NEK1: variants seen among roughly 807,000 people sequenced by gnomAD.
NEK1 encodes the protein NIMA related kinase 1, also known as serine/threonine-protein kinase Nek1.
A neutral mutation model predicts 182.1 loss-of-function variants in NEK1; 137 were observed. The ratio of observed to expected loss-of-function variants is 0.75; its 90% CI spans 0.65 to 0.87. The LOEUF is 0.87. Ranked by LOEUF, NEK1 falls within the 40% of genes least tolerant of loss-of-function variation. The pLI is 0.00. For synonymous variants in NEK1, 513 were observed against 492.2 expected (o/e 1.04, Z -0.56); for missense variants, 1,391 against 1,494.4 (o/e 0.93, Z 1.14).
At position 169,455,177 on chromosome 4, in the gene NEK1, G is replaced by A. The variant is rs143686292; in HGVS notation, c.2587+8066C>T. 7.1e-3 allele frequency among the ~76,000 whole-genome samples: 1,075 copies of A among 152,224 alleles called. 11 individuals carry two copies. Among genetic ancestry groups the A allele is most frequent in the African/African-American group, 0.025 (1,035 of 41,530 alleles). ...GAACATCACACACTGGGGCATGTTGGGGGGTTGGGGCCTGGCAGAGGGATA... is the reference window on the plus strand; with the variant it reads ...GAACATCACACACTGGGGCATGTTGAGGGGTTGGGGCCTGGCAGAGGGATA... On this transcript the variant is annotated intron_variant, in intron 27 of 35. Coordinates refer to ENST00000507142, the MANE Select transcript of NEK1 (RefSeq NM_001199397.3).
intron 27 of NEK1, among the ~76,000 whole-genome samples, chr4:169,452,792 T>C (rs528350346): frequency 1.3e-5 from 2 of 152,260 alleles, no homozygotes; most frequent in South Asian, 2.1e-4. Context: ...CTATTCAACA[T>C]AGTGTTGGAA....
chr4:169,595,134 A>C (rs1349498406), intron 5 of NEK1, among the ~76,000 whole-genome samples: 3 of 152,196 alleles, frequency 2.0e-5, no homozygotes, highest in African/African-American at 7.2e-5. Context: ...TAAATGATCA[A>C]GGAACTTATC....
At chr4:169,538,980 CTATGAA>C (rs1173633071) in intron 18 of NEK1, among the ~76,000 whole-genome samples, 1 of 152,126 alleles carries the variant, frequency 6.6e-6, no homozygotes, top group East Asian at 1.9e-4. Flanking sequence ...CATCACATAA[CTATGAA>C]TGACAGTGAT....
At chr4:169,464,109 CCTGA>C (rs1267592433) in intron 26 of NEK1, among the ~76,000 whole-genome samples, 1 of 152,126 alleles carries the variant, frequency 6.6e-6, no homozygotes, top group African/African-American at 2.4e-5. Context: ...CACCATCATT[CCTGA>C]CTGTGAGTTT....
At chr4:169,475,819 T>C (rs1334936021) in intron 26 of NEK1, among the ~76,000 whole-genome samples, 3 of 152,060 alleles carry the variant, frequency 2.0e-5, no homozygotes, top group African/African-American at 7.2e-5. Context: ...AAAAGTACAT[T>C]GAATAGAATT....
chr4:169,518,508 A>G (rs1457371802), intron 19 of NEK1, among the ~76,000 whole-genome samples: 1 of 101,662 alleles, frequency 9.8e-6, no homozygotes, highest in African/African-American at 5.1e-5. Flanking sequence ...TATTTCCTTC[A>G]GTTCTGCTCT....
chr4:169,434,383 T>C (rs986156116), intron 28 of NEK1, among the ~76,000 whole-genome samples: 6 of 151,836 alleles, frequency 4.0e-5, no homozygotes, highest in African/African-American at 1.5e-4. Context: ...AGGCTAATTT[T>C]TGTATTTTTA....
At chr4:169,498,130 T>C (rs1211839915) in intron 23 of NEK1, among the ~76,000 whole-genome samples, 1 of 152,264 alleles carries the variant, frequency 6.6e-6, no homozygotes, top group East Asian at 1.9e-4. Context: ...TTAGCTCTTC[T>C]TGTTGAATTG....
chr4:169,561,444 A>G (rs773517178), intron 16 of NEK1, 36 bp downstream of exon 16: 1 of 1,568,702 alleles, frequency 6.4e-7, no homozygotes, highest in East Asian at 2.2e-5. Context: ...TGGAGGGGAA[A>G]ATGGTAGTAT....
intron 27 of NEK1, among the ~76,000 whole-genome samples, chr4:169,453,078 TA>T (rs1213404450): frequency 1.3e-5 from 2 of 151,962 alleles, no homozygotes; most frequent in African/African-American, 4.8e-5. Flanking sequence ...ACAAAGAGAA[TA>T]AAATACCTAG....
chr4:169,414,149 A>G (rs1458566774), intron 31 of NEK1, among the ~76,000 whole-genome samples: 2 of 152,246 alleles, frequency 1.3e-5, no homozygotes, highest in African/African-American at 4.8e-5. Context: ...TACTTTTATT[A>G]GATGGTAGTT....
At chr4:169,471,460 G>A (rs576232919) in intron 26 of NEK1, among the ~76,000 whole-genome samples, 1 of 152,292 alleles carries the variant, frequency 6.6e-6, no homozygotes, top group South Asian at 2.1e-4. Flanking sequence ...GGAGGCTGCA[G>A]AACAGCAAAT....
At chr4:169,448,936 G>A (rs1220759639) in intron 27 of NEK1, among the ~76,000 whole-genome samples, 3 of 152,194 alleles carry the variant, frequency 2.0e-5, no homozygotes, top group East Asian at 3.8e-4. Context: ...CTGGAAACAC[G>A]GGACACTCCC....
At chr4:169,568,147 C>T (rs879413021) in intron 12 of NEK1, among the ~76,000 whole-genome samples, 1 of 152,158 alleles carries the variant, frequency 6.6e-6, no homozygotes, top group African/African-American at 2.4e-5. Flanking sequence ...AGAGATAAGG[C>T]AACTCGCTTC....
At position 169,477,135 on chromosome 4, in the gene NEK1, G is replaced by A; in HGVS notation, c.2423C>T (p.Ser808Phe). The part of the protein sequence containing the change: ...LDELTLDTSF[S>F]TTERHTVGEV... ...ACTACTATACATACTTTCAGTTGTA[G>A]AGAAGGATGTATCTAGTGTTAACTC... is the stretch of plus-strand genomic sequence containing the variant. The change falls in exon 26 of 36, where the codon TCT becomes TTT. Residue 808 changes from serine to phenylalanine, a missense_variant. Ser to Phe is a radical substitution (Grantham distance 155). This residue lies in a region of NEK1 where 1,216 missense variants were observed against 1,277.6 expected (regional missense o/e 0.95). Transcript: ENST00000507142. 1 of 1,593,364 alleles carries A rather than the reference G, an allele frequency of 6.3e-7. No individual in the cohort carries two copies. Among genetic ancestry groups the A allele is most frequent in the East Asian group, 2.3e-5 (1 of 44,400 alleles).
chr4:169,583,266 C>CAAAA (rs113591219), intron 10 of NEK1, among the ~76,000 whole-genome samples: 2 of 124,522 alleles, frequency 1.6e-5, no homozygotes, highest in African/African-American at 3.2e-5. Flanking sequence ...GACTCCATCT[C>CAAAA]AAAAAAAAAA....
At chr4:169,403,195 G>A (rs564000385) in intron 32 of NEK1, among the ~76,000 whole-genome samples, 1 of 152,244 alleles carries the variant, frequency 6.6e-6, no homozygotes, top group South Asian at 2.1e-4. Context: ...GAAAAGCAAA[G>A]CATCTAATTA....
intron 31 of NEK1, among the ~76,000 whole-genome samples, chr4:169,422,898 A>G (rs1275578469): frequency 1.3e-5 from 2 of 152,238 alleles, no homozygotes; most frequent in Non-Finnish European, 2.9e-5. Context: ...AGAAAAGTAC[A>G]TGAATTGTAT....
At chr4:169,534,838 A>G (rs1457953515) in intron 19 of NEK1, among the ~76,000 whole-genome samples, 1 of 152,220 alleles carries the variant, frequency 6.6e-6, no homozygotes, top group African/African-American at 2.4e-5. Context: ...ACATGTAAAG[A>G]AAAAAAGATG....
Sources: gnomAD v4.1 joint callset for allele counts (sites outside exome capture counted in the v4.1 genomes callset) on GRCh38, gnomAD v4.1.1 for gene constraint, gnomAD v4.1.1 regional missense constraint, MANE v1.5 for transcripts, NCBI Gene and HGNC (gene_info 2026-07-23, HGNC 2026-07-21) for gene names.